TAF1: variants seen among roughly 807,000 people sequenced by gnomAD.
TAF1 encodes TATA-box binding protein associated factor 1.
TAF1 carries 2 observed loss-of-function variants against 138.5 expected under a neutral mutation model. That is an observed-to-expected ratio of 0.01 (90% CI 0.01 to 0.05). The LOEUF (loss-of-function observed/expected upper bound fraction) is 0.05, where lower values mean the gene tolerates loss of function less well. TAF1 is among the 10% of genes least tolerant of loss of function. TAF1 has a pLI of 1.00. For synonymous variants in TAF1, 437 were observed against 503.2 expected, an observed-to-expected ratio of 0.87 and a Z score of 1.76; for missense variants, 709 against 1,478.0, an observed-to-expected ratio of 0.48 and a Z score of 8.53.
At chrX:71,503,275 AAAATAT>A (rs2039545239) in intron 13 of TAF1, among the ~76,000 whole-genome samples, 3 of 85,568 alleles carry the variant, frequency 3.5e-5, no homozygotes, top group African/African-American at 1.6e-4. Context: ...TCTCAAAAAA[AAAATAT>A]ATATATATAT....
intron 13 of TAF1, among the ~76,000 whole-genome samples, chrX:71,525,780 A>C (rs2039988900): frequency 1.8e-5 from 2 of 108,933 alleles, no homozygotes; most frequent in African/African-American, 6.7e-5. Flanking sequence ...CAGCCTCCTG[A>C]GTAGCTGGGC....
chrX:71,516,196 G>C (rs1313573641), intron 13 of TAF1, among the ~76,000 whole-genome samples: 2 of 107,033 alleles, frequency 1.9e-5, no homozygotes, highest in Non-Finnish European at 3.8e-5. Context: ...CGAGTAGCTG[G>C]AACTATAGGT....
At chrX:71,451,475 A>AT (rs57239219) in intron 32 of TAF1, among the ~76,000 whole-genome samples, 7 of 99,283 alleles carry the variant, frequency 7.1e-5, no homozygotes, top group Admixed American at 1.1e-4. Flanking sequence ...TTTATTTTTT[A>AT]TTTTTTTTTC....
At chrX:71,511,760 G>C (rs182631915) in intron 13 of TAF1, among the ~76,000 whole-genome samples, 1 of 111,731 alleles carries the variant, frequency 9.0e-6, no homozygotes, top group East Asian at 2.8e-4. Flanking sequence ...TCATGCCTGT[G>C]ATCCCGGCAC....
chrX:71,383,572 C>T lies in TAF1; in HGVS notation c.1948-390C>T, dbSNP rs1268770769. On this transcript the variant is annotated intron_variant, in intron 12 of 37. Coordinates refer to ENST00000423759, the MANE Select transcript of TAF1 (RefSeq NM_004606.5). Reference sequence around the variant, plus strand: ...AAAATAGCATAATATTTGCACATAACCTATGCACATCCTCTCCTATAGTTT... The same window carrying T: ...AAAATAGCATAATATTTGCACATAATCTATGCACATCCTCTCCTATAGTTT... 2.7e-5 allele frequency among the ~76,000 whole-genome samples: 3 copies of T among 112,028 alleles called. No homozygotes were observed. In the East Asian group the frequency reaches 8.4e-4, roughly 31 times the overall value.
At chrX:71,490,678 A>G (rs975535451) in intron 13 of TAF1, among the ~76,000 whole-genome samples, 7 of 111,531 alleles carry the variant, frequency 6.3e-5, no homozygotes, top group Admixed American at 2.9e-4. Context: ...CCAATGGAAC[A>G]GAATAGAGAA....
chrX:71,397,149 A>G (rs1242380372), intron 22 of TAF1, 104 bp from the exon 23 acceptor site: 2 of 833,677 alleles, frequency 2.4e-6, no homozygotes, highest in African/African-American at 4.1e-5. Context: ...GTAGAACCAT[A>G]GTTTTGTGGC....
chrX:71,495,229 C>G (rs975776202), intron 13 of TAF1, among the ~76,000 whole-genome samples: 1 of 111,896 alleles, frequency 8.9e-6, no homozygotes, highest in African/African-American at 3.2e-5. Flanking sequence ...AAAGGGCCAG[C>G]AGGTTGGTCC....
intron 8 of TAF1, among the ~76,000 whole-genome samples, chrX:71,379,594 A>T (rs2033731026): frequency 1.2e-5 from 1 of 85,300 alleles, no homozygotes; most frequent in Non-Finnish European, 2.2e-5. Context: ...TGTGATAAAG[A>T]TCTTTTTTTT....
chrX:71,452,536 G>A (rs2038056250), intron 32 of TAF1, among the ~76,000 whole-genome samples: 2 of 108,375 alleles, frequency 1.8e-5, no homozygotes, highest in Non-Finnish European at 3.8e-5. Context: ...CACTTCCTAG[G>A]TGGGATGGCG....
intron 8 of TAF1, among the ~76,000 whole-genome samples, chrX:71,380,326 T>C (rs1456554733): frequency 8.9e-6 from 1 of 112,027 alleles, no homozygotes; most frequent in African/African-American, 3.2e-5. Context: ...AGTGCTGAGA[T>C]TACAAGCAAG....
chrX:71,383,294 T>G (rs2034008471), intron 12 of TAF1, 130 bp downstream of exon 12: 7 of 790,631 alleles, frequency 8.9e-6, no homozygotes, highest in Non-Finnish European at 1.0e-5. Flanking sequence ...TTATTTTGGT[T>G]ATTTAGGAGA....
At chrX:71,481,275 A>G (rs1373492506) in intron 13 of TAF1, among the ~76,000 whole-genome samples, 1 of 112,075 alleles carries the variant, frequency 8.9e-6, no homozygotes, top group African/African-American at 3.2e-5. Context: ...GTGAAACTCC[A>G]TCTCTCACAC....
chrX:71,497,744 T>TC (rs2039422459), intron 13 of TAF1, among the ~76,000 whole-genome samples: 1 of 109,302 alleles, frequency 9.1e-6, no homozygotes, highest in East Asian at 2.9e-4. Flanking sequence ...TGCCTCTGGT[T>TC]CCCATTCTAC....
At chrX:71,431,263 G>A (rs1215208146) in intron 32 of TAF1, among the ~76,000 whole-genome samples, 2 of 108,975 alleles carry the variant, frequency 1.8e-5, no homozygotes, top group Non-Finnish European at 3.8e-5. Flanking sequence ...GGGTTTCACC[G>A]TGTTGGCCAG....
In TAF1 at chrX:71,510,597, CAT is replaced by C. The variant is rs775282418; in HGVS notation, c.1367-17944_1367-17943del. Among the ~76,000 whole-genome samples the C allele has an allele frequency of 7.0e-3, 787 of 111,966 alleles. 7 individuals are homozygous for C. Among genetic ancestry groups the C allele is most frequent in the African/African-American group, 0.025 (759 of 30,874 alleles). Reference sequence around the variant, plus strand: ...CAGGAGTGAGAAGTTCCATTTTTAACATGTGGTATTTCAGGTGTCTGTAGAAC... The same window carrying C: ...CAGGAGTGAGAAGTTCCATTTTTAACGTGGTATTTCAGGTGTCTGTAGAAC... On this transcript the variant is annotated intron_variant and NMD_transcript_variant, in intron 13 of 14. Coordinates refer to the TAF1 transcript ENST00000373775.
intron 34 of TAF1, among the ~76,000 whole-genome samples, chrX:71,455,793 TC>T (rs1046520764): frequency 1.8e-5 from 2 of 112,549 alleles, no homozygotes; most frequent in Middle Eastern, 9.1e-3. Context: ...CTCTGCCAAT[TC>T]CCACAGGAAA....
chrX:71,446,570 C>G (rs975923034), intron 32 of TAF1, among the ~76,000 whole-genome samples: 2 of 111,870 alleles, frequency 1.8e-5, no homozygotes, highest in Non-Finnish European at 3.8e-5. Flanking sequence ...ATAAATTTTA[C>G]TATATAGGAA....
In TAF1 at chrX:71,407,581, A is replaced by G. The variant is rs1451558019; in HGVS notation, c.4115A>G (p.His1372Arg). ...TVHCDYLNRPHKSIHRRRTDP... is the reference protein window; with the variant it reads ...TVHCDYLNRPRKSIHRRRTDP... ...TTTCACATTTCTCCTTAGAGACCTCATAAGTCCATCCACCGGCGCCGCACA... is the reference window on the plus strand; with the variant it reads ...TTTCACATTTCTCCTTAGAGACCTCGTAAGTCCATCCACCGGCGCCGCACA... Residue 1372 changes from histidine (H) to arginine (R), a missense_variant, in exon 27 of 38, where the codon CAT becomes CGT. Coordinates refer to ENST00000423759, the MANE Select transcript of TAF1 (RefSeq NM_004606.5). The G allele has an allele frequency of 9.9e-6, 12 of 1,210,849 alleles. No individual in the cohort carries two copies. Among genetic ancestry groups the G allele is most frequent in the Non-Finnish European group, 1.3e-5 (12 of 894,919 alleles).
Sources: gnomAD v4.1 joint callset for allele counts (sites outside exome capture counted in the v4.1 genomes callset) on GRCh38, gnomAD v4.1.1 for gene constraint, MANE v1.5 for transcripts, NCBI Gene and HGNC (gene_info 2026-07-23, HGNC 2026-07-21) for gene names.